The following TUSC3 variants were observed in gnomAD, a reference collection of about 807,000 sequenced individuals.
TUSC3 encodes the protein tumor suppressor candidate 3.
A neutral mutation model predicts 44.8 loss-of-function variants in TUSC3; 45 were observed. That is an observed-to-expected ratio of 1.00 (90% CI 0.79 to 1.29). The LOEUF (loss-of-function observed/expected upper bound fraction) is 1.29. TUSC3 is among the 50% of genes most tolerant of loss of function. TUSC3 has a pLI of 0.00. For missense variants in TUSC3, 519 were observed against 437.9 expected, an observed-to-expected ratio of 1.19 and a Z score of -1.65; for synonymous variants, 212 against 152.9, an observed-to-expected ratio of 1.39 and a Z score of -2.85.
intron 2 of TUSC3, among the ~76,000 whole-genome samples, chr8:15,521,305 G>A (rs1243560162): frequency 6.6e-6 from 1 of 152,118 alleles, no homozygotes; most frequent in East Asian, 1.9e-4. Context: ...GACCTTCAGG[G>A]TTCATGCAGT....
intron 2 of TUSC3, among the ~76,000 whole-genome samples, chr8:15,503,201 G>A (rs1800992491): frequency 6.6e-6 from 1 of 152,032 alleles, no homozygotes; most frequent in African/African-American, 2.4e-5. Flanking sequence ...TGACAGATGT[G>A]GACACAAATA....
chr8:15,424,788 A>G (rs1273462809), intron 1 of TUSC3, among the ~76,000 whole-genome samples: 9 of 151,898 alleles, frequency 5.9e-5, no homozygotes, highest in Non-Finnish European at 1.2e-4. Flanking sequence ...GCTGAGGGAG[A>G]AGAATCACTT....
chr8:15,621,832 T>TTAG (rs1446042643), intron 1 of TUSC3, among the ~76,000 whole-genome samples: 3 of 151,874 alleles, frequency 2.0e-5, no homozygotes, highest in Non-Finnish European at 4.4e-5. Flanking sequence ...TTTCATACAG[T>TTAG]TAGCATGCAT....
intron 1 of TUSC3, among the ~76,000 whole-genome samples, chr8:15,428,141 G>T (rs113854223): frequency 3.7e-5 from 4 of 106,788 alleles, no homozygotes; most frequent in Non-Finnish European, 7.0e-5. Context: ...CACAACAGTC[G>T]CCAGTGTGTG....
intron 6 of TUSC3, among the ~76,000 whole-genome samples, chr8:15,697,045 A>T (rs184067683): frequency 1.3e-5 from 2 of 152,112 alleles, no homozygotes; most frequent in African/African-American, 4.8e-5. Flanking sequence ...CCATCTCTCT[A>T]GGTTTTCTAG....
At chr8:15,827,658 T>A in the TUSC3 span, among the ~76,000 whole-genome samples, 1 of 152,226 alleles carries the variant, frequency 6.6e-6, no homozygotes, top group Non-Finnish European at 1.5e-5. Flanking sequence ...TGTGTACATT[T>A]GATCTTTGGA....
intron 6 of TUSC3, among the ~76,000 whole-genome samples, chr8:15,681,346 C>G (rs957470769): frequency 6.6e-6 from 1 of 151,632 alleles, no homozygotes; most frequent in Non-Finnish European, 1.5e-5. Context: ...GATTCAATTT[C>G]AGAAGTCAGT....
intron 2 of TUSC3, among the ~76,000 whole-genome samples, chr8:15,532,744 C>T (rs988062272): frequency 1.2e-4 from 19 of 152,134 alleles, no homozygotes; most frequent in South Asian, 4.1e-4. Context: ...AACTGATTCA[C>T]GGGGGCAGGT....
chr8:15,783,598 A>G, the TUSC3 span, among the ~76,000 whole-genome samples: 1 of 152,252 alleles, frequency 6.6e-6, no homozygotes, highest in East Asian at 1.9e-4. Flanking sequence ...GATTTTTGAC[A>G]AAAGTGTCAA....
At chr8:15,724,044 T>G (rs190515397) in intron 6 of TUSC3, among the ~76,000 whole-genome samples, 2 of 152,190 alleles carry the variant, frequency 1.3e-5, no homozygotes, top group East Asian at 3.9e-4. Flanking sequence ...GTAAATAAGC[T>G]CATGAGAGAA....
chr8:15,733,400 C>A, intron 7 of TUSC3: 1 of 409,736 alleles, frequency 2.4e-6, no homozygotes, highest in Non-Finnish European at 4.8e-6. Flanking sequence ...AGCATCTTAG[C>A]AGTATACTTT....
At chr8:15,665,441 TG>T (rs1300397260) in intron 5 of TUSC3, among the ~76,000 whole-genome samples, 1 of 151,504 alleles carries the variant, frequency 6.6e-6, no homozygotes, top group Non-Finnish European at 1.5e-5. Context: ...CACTTAGTCC[TG>T]GGTAGACTGT....
At chr8:15,623,978 G>A (rs1805373680) in intron 2 of TUSC3, among the ~76,000 whole-genome samples, 2 of 151,876 alleles carry the variant, frequency 1.3e-5, no homozygotes, top group Admixed American at 6.6e-5. Flanking sequence ...CTTACCTGTC[G>A]AACTTGACCT....
intron 2 of TUSC3, among the ~76,000 whole-genome samples, chr8:15,631,004 T>A (rs531565820): frequency 6.6e-6 from 1 of 152,212 alleles, no homozygotes; most frequent in Non-Finnish European, 1.5e-5. Context: ...TATCATTTCC[T>A]CTTACCTTTG....
intron 2 of TUSC3, among the ~76,000 whole-genome samples, chr8:15,497,537 A>G (rs150066450): frequency 3.9e-5 from 6 of 152,208 alleles, no homozygotes; most frequent in East Asian, 3.9e-4. Context: ...GACGAGGGCA[A>G]TTCTTCGGAG....
chr8:15,707,337 A>T (rs1809658906), intron 6 of TUSC3, among the ~76,000 whole-genome samples: 1 of 152,036 alleles, frequency 6.6e-6, no homozygotes, highest in Admixed American at 6.6e-5. Context: ...GCATTGTAAT[A>T]AGAGTCACAT....
the TUSC3 span, among the ~76,000 whole-genome samples, chr8:15,809,637 T>A: frequency 1.3e-5 from 2 of 152,202 alleles, no homozygotes; most frequent in African/African-American, 4.8e-5. Context: ...AGAATAATTA[T>A]AACAATATGC....
intron 1 of TUSC3, among the ~76,000 whole-genome samples, chr8:15,586,615 C>T (rs577534003): frequency 3.3e-5 from 5 of 152,188 alleles, no homozygotes; most frequent in Middle Eastern, 3.4e-3. Context: ...GAATGCAAAT[C>T]ATTTGGAGTG....
chr8:15,620,740 C>T (rs758099091), intron 1 of TUSC3, among the ~76,000 whole-genome samples: 3 of 152,006 alleles, frequency 2.0e-5, no homozygotes, highest in Non-Finnish European at 2.9e-5. Context: ...AAATGAGTTT[C>T]GTATTACCTT....
Sources: allele counts gnomAD v4.1 joint callset (sites outside exome capture counted in the v4.1 genomes callset), GRCh38; gene constraint gnomAD v4.1.1; transcripts MANE v1.5; gene names NCBI Gene and HGNC (gene_info 2026-07-23, HGNC 2026-07-21).